TMEM44: variants seen among roughly 807,000 people sequenced by gnomAD.
TMEM44 encodes transmembrane protein 44.
A neutral mutation model predicts 47.8 loss-of-function variants in TMEM44; 43 were observed. The ratio of observed to expected loss-of-function variants is 0.90; its 90% CI spans 0.70 to 1.16. TMEM44 has a LOEUF of 1.16. Among genes scored for constraint, TMEM44 ranks in the 50% most tolerant of loss-of-function variants. The pLI, the probability that TMEM44 is intolerant of heterozygous loss-of-function variation, is 0.00. For synonymous variants in TMEM44, 277 were observed against 238.8 expected (o/e 1.16, Z -1.48); for missense variants, 568 against 555.2 (o/e 1.02, Z -0.23).
chr3:194,601,883 G>A (rs1470351473), intron 9 of TMEM44, among the ~76,000 whole-genome samples: 1 of 152,192 alleles, frequency 6.6e-6, no homozygotes, highest in Non-Finnish European at 1.5e-5. Flanking sequence ...CAAGTTCACC[G>A]TGCAGTCCTT....
chr3:194,615,640 T>G lies in TMEM44; in HGVS notation c.841A>C (p.Lys281Gln), dbSNP rs1439292371. ...GTGTCAGGGCTCTCTCTGGCTTCCT[T>G]GGCAAATCCTAAGGCCTGTCTCATC... ...SKMRQALGFA[K>Q]EARESPDTQA... The change falls in exon 7 of 10, where the codon AAG (lysine) becomes CAG (glutamine). Residue 281 changes from lysine (K) to glutamine (Q), a missense_variant. Lys to Gln is a moderately conservative substitution (Grantham distance 53). Transcript: ENST00000347147. 4.3e-6 allele frequency: 7 copies of G among 1,614,042 alleles called. No homozygotes were observed. In the Admixed American group the frequency reaches 5.0e-5, roughly 12 times the overall value.
chr3:194,599,913 C>T (rs1324491478), intron 9 of TMEM44, among the ~76,000 whole-genome samples: 1 of 151,894 alleles, frequency 6.6e-6, no homozygotes, highest in Admixed American at 6.6e-5. Flanking sequence ...GCATGCGCCA[C>T]CATACCCGGC....
chr3:194,598,079 A>T, intron 9 of TMEM44, among the ~76,000 whole-genome samples: 1 of 152,196 alleles, frequency 6.6e-6, no homozygotes, highest in South Asian at 2.1e-4. Context: ...GTCTCCGTGG[A>T]GTATGCCGTC....
chr3:194,623,187 A>T (rs1716752441), intron 5 of TMEM44, 37 bp downstream of exon 5: 1 of 1,565,758 alleles, frequency 6.4e-7, no homozygotes, highest in Admixed American at 1.9e-5. Context: ...TGAGACTGTC[A>T]TGTGACCCAC....
chr3:194,630,719 C>T (rs3931191), intron 1 of TMEM44, among the ~76,000 whole-genome samples: 33,571 of 135,116 alleles, frequency 0.25, 1,765 homozygotes, highest in East Asian at 0.35. Flanking sequence ...GATACGCTGT[C>T]GTACCTGCCT....
At chr3:194,607,540 C>T (rs543170677) in intron 8 of TMEM44, among the ~76,000 whole-genome samples, 2 of 152,274 alleles carry the variant, frequency 1.3e-5, no homozygotes, top group South Asian at 4.1e-4. Context: ...GTCAATGGCA[C>T]AAACTCGGGT....
Position 194,617,179 on chromosome 3 carries a change from G to A in TMEM44, c.703C>T (p.His235Tyr). Residue 235 changes from histidine (H) to tyrosine (Y), a missense_variant, in exon 6 of 10, where the codon CAC becomes TAC. Coordinates refer to ENST00000347147, the MANE Select transcript of TMEM44 (RefSeq NM_001011655.3). ...AGCAGGTACTCAGGGTGCTGGTCGTGGGCCACAATGGCCGAGGCATAGAGG... is the reference window on the plus strand; with the variant it reads ...AGCAGGTACTCAGGGTGCTGGTCGTAGGCCACAATGGCCGAGGCATAGAGG... Reference protein sequence around the residue: ...GLLYASAIVAHDQHPEYLLRA... With the variant: ...GLLYASAIVAYDQHPEYLLRA... The A allele has an allele frequency of 6.4e-7, 1 of 1,554,460 alleles. No homozygotes were observed. Among genetic ancestry groups the A allele is most frequent in the Admixed American group, 2.0e-5 (1 of 51,172 alleles).
intron 9 of TMEM44, among the ~76,000 whole-genome samples, chr3:194,602,258 C>T (rs563783070): frequency 7.2e-5 from 11 of 152,334 alleles, no homozygotes; most frequent in Admixed American, 5.2e-4. Context: ...CAACCCAGGC[C>T]GCTGTGGCTC....
chr3:194,604,176 G>A, intron 9 of TMEM44, 111 bp downstream of exon 9: 1 of 1,339,784 alleles, frequency 7.5e-7, no homozygotes, highest in Non-Finnish European at 1.0e-6. Flanking sequence ...TAGCAGGTAT[G>A]AGGTTAACGT....
chr3:194,628,174 C>T (rs545415932), intron 2 of TMEM44, among the ~76,000 whole-genome samples: 5 of 152,248 alleles, frequency 3.3e-5, no homozygotes, highest in Middle Eastern at 6.8e-3. Flanking sequence ...TGAGCAAAGA[C>T]GTGAAGGACT....
At chr3:194,608,740 G>A (rs980808528) in intron 8 of TMEM44, among the ~76,000 whole-genome samples, 1 of 152,154 alleles carries the variant, frequency 6.6e-6, no homozygotes. Flanking sequence ...ATGGGGTCTC[G>A]CTATGTGGTC....
At chr3:194,608,934 AG>A (rs546399682) in intron 8 of TMEM44, among the ~76,000 whole-genome samples, 99 of 152,368 alleles carry the variant, frequency 6.5e-4, no homozygotes, top group African/African-American at 2.2e-3. Flanking sequence ...TGGGCAGGGC[AG>A]GACCACAGAA....
intron 3 of TMEM44, among the ~76,000 whole-genome samples, chr3:194,624,886 G>T (rs754596267): frequency 6.6e-6 from 1 of 151,828 alleles, no homozygotes; most frequent in African/African-American, 2.4e-5. Flanking sequence ...GCTAATTTTT[G>T]TATTTTTTTA....
chr3:194,590,942 T>C (rs1184294919), intron 9 of TMEM44, among the ~76,000 whole-genome samples: 5 of 152,014 alleles, frequency 3.3e-5, no homozygotes, highest in Admixed American at 3.3e-4. Flanking sequence ...GCCTGTAATC[T>C]CAGCACTTTG....
At chr3:194,609,520 A>G (rs913888603) in intron 8 of TMEM44, among the ~76,000 whole-genome samples, 5 of 152,092 alleles carry the variant, frequency 3.3e-5, no homozygotes, top group Non-Finnish European at 5.9e-5. Flanking sequence ...ATGATGGTGG[A>G]CTTAGCAGCT....
At chr3:194,591,010 A>G (rs1712612353) in intron 9 of TMEM44, among the ~76,000 whole-genome samples, 1 of 152,110 alleles carries the variant, frequency 6.6e-6, no homozygotes, top group African/African-American at 2.4e-5. Context: ...CCTGGCCAAC[A>G]TGGTGAAACC....
At chr3:194,594,306 G>C (rs1713146417) in intron 9 of TMEM44, among the ~76,000 whole-genome samples, 1 of 151,904 alleles carries the variant, frequency 6.6e-6, no homozygotes, top group Non-Finnish European at 1.5e-5. Context: ...TGGGATTACA[G>C]GCGCCCAGGA....
intron 1 of TMEM44, among the ~76,000 whole-genome samples, chr3:194,629,799 C>A (rs1447421688): frequency 3.3e-5 from 1 of 30,650 alleles, no homozygotes; most frequent in African/African-American, 1.7e-4. Context: ...ACCTGCCTCC[C>A]GGAGGGGCTG....
rs1716810692 is a variant in TMEM44, at chr3:194,623,543, C to A, written c.511G>T (p.Ala171Ser). ...TIRGPQRRLL[A>S]SLLQENTEIL... ...CCCAGCCTCACCTGCAGCAGGCTCG[C>A]TAGCAGCCTCCGCTGTGGCCCCCGG... The change falls in exon 4 of 10, where the codon GCG becomes TCG. Residue 171 changes from alanine (A) to serine (S), a missense_variant. Physicochemically the swap from Ala to Ser is moderately conservative, Grantham distance 99 (BLOSUM62 1). Coordinates refer to ENST00000347147, the MANE Select transcript of TMEM44 (RefSeq NM_001011655.3). The A allele has an allele frequency of 1.3e-6, 2 of 1,597,996 alleles. No homozygotes were observed. Among genetic ancestry groups the A allele is most frequent in the African/African-American group, 1.3e-5 (1 of 74,520 alleles).
Sources: allele counts gnomAD v4.1 joint callset (sites outside exome capture counted in the v4.1 genomes callset), GRCh38; gene constraint gnomAD v4.1.1; transcripts MANE v1.5; gene names NCBI Gene and HGNC (gene_info 2026-07-23, HGNC 2026-07-21).